Variants in CTSC observed in about 807,000 individuals in gnomAD.
The protein encoded by CTSC is dipeptidyl peptidase 1.
Under a neutral mutation model 40.9 loss-of-function variants are expected in CTSC, and 37 were observed. The observed-to-expected ratio is 0.91, with a 90% CI of 0.70 to 1.19. The LOEUF is 1.19. CTSC is among the 50% of genes most tolerant of loss of function. The probability of loss-of-function intolerance (pLI) is 0.00; values close to 1 mark genes in which losing one functional copy is unlikely to be tolerated. For missense variants in CTSC, 594 were observed against 567.3 expected (o/e 1.05, Z -0.48); for synonymous variants, 232 against 207.4 (o/e 1.12, Z -1.02).
chr11:88,332,726 G>C (rs1439087220), intron 2 of CTSC, among the ~76,000 whole-genome samples: 1 of 152,158 alleles, frequency 6.6e-6, no homozygotes, highest in Non-Finnish European at 1.5e-5. Flanking sequence ...TGCAGAAAAA[G>C]AAAACATGGC....
intron 2 of CTSC, chr11:88,320,720 T>A: frequency 1.2e-5 from 7 of 572,386 alleles, no homozygotes; most frequent in Non-Finnish European, 1.5e-5. Context: ...CACTAAATCA[T>A]CCAACATATA....
At chr11:88,308,520 ATTTTATTTTT>A (rs1194111726) in intron 4 of CTSC, among the ~76,000 whole-genome samples, 4 of 150,034 alleles carry the variant, frequency 2.7e-5, no homozygotes, top group African/African-American at 9.8e-5. Context: ...ATTTTATTTT[ATTTTATTTTT>A]GCATGTCTGA....
chr11:88,309,041 C>T, intron 4 of CTSC, 122 bp downstream of exon 4: 2 of 796,284 alleles, frequency 2.5e-6, no homozygotes, highest in East Asian at 2.7e-5. Flanking sequence ...TAACAGATCA[C>T]ATAAAAAGTT....
chr11:88,307,386 C>A (rs959771216), intron 4 of CTSC, among the ~76,000 whole-genome samples: 3 of 152,004 alleles, frequency 2.0e-5, no homozygotes, highest in South Asian at 2.1e-4. Context: ...TAAGCTAGAT[C>A]CAGCTATACT....
intron 1 of CTSC, among the ~76,000 whole-genome samples, chr11:88,337,068 A>G (rs1938515798): frequency 6.6e-6 from 1 of 152,180 alleles, no homozygotes; most frequent in Non-Finnish European, 1.5e-5. Context: ...CCATCTAACA[A>G]AAAGAGAAAA....
chr11:88,327,906 T>A (rs1938234728), intron 2 of CTSC: 1 of 584,170 alleles, frequency 1.7e-6, no homozygotes. Flanking sequence ...AAACAGAACA[T>A]AATAAAGTAG....
At position 88,294,431 on chromosome 11, in the gene CTSC, G is replaced by C. The variant is rs753690685; in HGVS notation, c.967C>G (p.Pro323Ala). ...CATGGAGAATCAGTGCCTGTGTAGG[G>C]GAAGCAAGCTTCTTCCACCAGCCCA... ...DFGLVEEACF[P>A]YTGTDSPCKM... Residue 323 changes from proline (P) to alanine (A), a missense_variant, in exon 7 of 7, where the codon CCC becomes GCC. Pro to Ala is a conservative substitution (Grantham distance 27). Coordinates refer to ENST00000227266, the MANE Select transcript of CTSC (RefSeq NM_001814.6). 2 of 1,614,046 alleles carry C rather than the reference G, an allele frequency of 1.2e-6. No individual in the cohort carries two copies. The highest frequency in any genetic ancestry group is 1.7e-6 in the Non-Finnish European group (2 of 1,180,008).
chr11:88,334,976 C>G lies in CTSC; in HGVS notation c.279G>C (p.Glu93Asp). The G allele has an allele frequency of 6.2e-7, 1 of 1,612,928 alleles. No individual in the cohort carries two copies. Among genetic ancestry groups the G allele is most frequent in the Non-Finnish European group, 8.5e-7 (1 of 1,179,092 alleles). The change falls in exon 2 of 7, where the codon GAG (glutamate) becomes GAC (aspartate). Residue 93 changes from glutamate (E) to aspartate (D), a missense_variant. Coordinates refer to ENST00000227266, the MANE Select transcript of CTSC (RefSeq NM_001814.6). ...ACCACTTGTAGTCATTCAACACAAT[C>G]TCAAAGCCTTGGTTGTAAATGATGG... ...HFTIIYNQGF[E>D]IVLNDYKWFA...
At chr11:88,299,928 G>A (rs1944339779) in intron 5 of CTSC, among the ~76,000 whole-genome samples, 1 of 152,040 alleles carries the variant, frequency 6.6e-6, no homozygotes, top group African/African-American at 2.4e-5. Context: ...GAAAATAACT[G>A]GTAAAATTCA....
chr11:88,317,576 G>A (rs1937907904), intron 2 of CTSC, among the ~76,000 whole-genome samples: 1 of 152,112 alleles, frequency 6.6e-6, no homozygotes, highest in South Asian at 2.1e-4. Flanking sequence ...TACCTTAAGG[G>A]GGACCATCCA....
chr11:88,327,909 TA>T, intron 2 of CTSC: 1 of 589,462 alleles, frequency 1.7e-6, no homozygotes, highest in Non-Finnish European at 3.0e-6. Flanking sequence ...CAGAACATAA[TA>T]AAGTAGAAAA....
chr11:88,335,410 A>C (rs1341818611), intron 1 of CTSC, among the ~76,000 whole-genome samples: 1 of 152,094 alleles, frequency 6.6e-6, no homozygotes, highest in Non-Finnish European at 1.5e-5. Context: ...TCTCTACAAA[A>C]ATAATTTTTA....
chr11:88,307,686 C>T (rs917967744), intron 4 of CTSC, among the ~76,000 whole-genome samples: 18 of 148,366 alleles, frequency 1.2e-4, no homozygotes, highest in African/African-American at 4.5e-4. Context: ...GGGAACAGCA[C>T]AAATGAAGAT....
chr11:88,327,297 T>C (rs758232849), intron 2 of CTSC, among the ~76,000 whole-genome samples: 1 of 152,194 alleles, frequency 6.6e-6, no homozygotes, highest in African/African-American at 2.4e-5. Context: ...AAAATGCTAA[T>C]ATAAGATAAA....
chr11:88,312,528 G>T lies in CTSC; in HGVS notation c.345C>A (p.Thr115=), dbSNP rs1205412560. 1 of 1,614,046 alleles carries T rather than the reference G, an allele frequency of 6.2e-7. No homozygotes were observed. Among genetic ancestry groups the T allele is most frequent in the South Asian group, 1.1e-5 (1 of 91,072 alleles). ...FKYKEEGSKV[T]TYCNETMTGW... Reference sequence around the variant, plus strand: ...CAGTCATTGTCTCGTTGCAGTAAGTGGTCACCTTGCTGCCCTCTTCTTTAT... The same window carrying T: ...CAGTCATTGTCTCGTTGCAGTAAGTTGTCACCTTGCTGCCCTCTTCTTTAT... The change falls in exon 3 of 7, where the codon ACC becomes ACA. Residue 115 remains threonine (T), a synonymous_variant. Transcript: ENST00000227266.
chr11:88,296,711 T>C (rs573473128), intron 5 of CTSC: 48 of 253,030 alleles, frequency 1.9e-4, no homozygotes, highest in African/African-American at 1.1e-3. Context: ...TCTAAAATCA[T>C]GTTAAAACCC....
Position 88,337,641 on chromosome 11 carries a change from G to T in CTSC, c.32C>A (p.Ala11Asp), listed in dbSNP as rs1312061062. The T allele has an allele frequency of 6.3e-7, 1 of 1,583,648 alleles. No individual in the cohort carries two copies. The highest frequency in any genetic ancestry group is 8.6e-7 in the Non-Finnish European group (1 of 1,164,414). ...GTCGCCGGAGAGAAGCAGCAGGAGG[G>T]CGGCGAGCAGCAAGGAGGGCCCAGC... is the stretch of plus-strand genomic sequence containing the variant. MGAGPSLLLA[A>D]LLLLLSGDGA... Residue 11 changes from alanine (A) to aspartate (D), a missense_variant, in exon 1 of 7, where the codon GCC becomes GAC. Physicochemically the swap from Ala to Asp is moderately radical, Grantham distance 126 (BLOSUM62 -2). Transcript: ENST00000227266.
At chr11:88,320,973 A>G (rs1937992670) in intron 2 of CTSC, 1 of 985,116 alleles carries the variant, frequency 1.0e-6, no homozygotes, top group African/African-American at 1.7e-5. Flanking sequence ...CAATTATGAC[A>G]CAGAATACTA....
At position 88,310,934 on chromosome 11, in the gene CTSC, C is replaced by T. The variant is rs151291458; in HGVS notation, c.485+1454G>A. 4.1e-3 allele frequency among the ~76,000 whole-genome samples: 627 copies of T among 152,232 alleles called. 1 individual carries two copies. Among genetic ancestry groups the T allele is most frequent in the Admixed American group, 8.3e-3 (127 of 15,288 alleles). ...TGCTTTATCATAACATCTAGCAAAA[C>T]CTCGTGTGTTGACATGTGCATTAAA... On this transcript the variant is annotated intron_variant, in intron 3 of 6. Transcript: ENST00000227266.
Sources: allele counts gnomAD v4.1 joint callset (sites outside exome capture counted in the v4.1 genomes callset), GRCh38; gene constraint gnomAD v4.1.1; transcripts MANE v1.5; gene names NCBI Gene and HGNC (gene_info 2026-07-23, HGNC 2026-07-21).